GRIK4: variants seen among roughly 807,000 people sequenced by gnomAD.
GRIK4 encodes the protein glutamate ionotropic receptor kainate type subunit 4, also known as glutamate receptor ionotropic, kainate 4.
In GRIK4, 40 loss-of-function variants were observed where a neutral mutation model predicts 104.9. The ratio of observed to expected loss-of-function variants is 0.38; its 90% confidence interval spans 0.30 to 0.50. The LOEUF (loss-of-function observed/expected upper bound fraction) is 0.50. GRIK4 is among the 20% of genes least tolerant of loss of function. The pLI is 0.93. For synonymous variants in GRIK4, 485 were observed against 524.9 expected (o/e 0.92, Z 1.04); for missense variants, 1,047 against 1,308.1 (o/e 0.80, Z 3.08).
At position 120,986,558 on chromosome 11, in the gene GRIK4, G is replaced by A. The variant is rs142235934; in HGVS notation, c.*298G>A. Reference sequence around the variant, plus strand: ...TTTCCCTCTCGCCAAAATAACAAGAGTATAGGGTGGGGGGTCCCTACCCAG... The same window carrying A: ...TTTCCCTCTCGCCAAAATAACAAGAATATAGGGTGGGGGGTCCCTACCCAG... On this transcript the variant is annotated 3_prime_UTR_variant, in exon 21 of 21. Coordinates refer to ENST00000527524, the MANE Select transcript of GRIK4 (RefSeq NM_014619.5). 222 of 365,650 alleles carry A rather than the reference G, an allele frequency of 6.1e-4. 3 individuals carry two copies. Among genetic ancestry groups the A allele is most frequent in the African/African-American group, 4.5e-3 (206 of 45,972 alleles). The allele number at this position is 365,650 out of a possible 1,614,324, so 22.7% of individuals were successfully genotyped here. A position where few individuals can be genotyped will look rare whatever the true frequency, so the allele number is the denominator to read the frequency against.
chr11:120,579,733 G>T (rs1431465609), intron 1 of GRIK4, among the ~76,000 whole-genome samples: 3 of 152,114 alleles, frequency 2.0e-5, no homozygotes, highest in African/African-American at 7.2e-5. Flanking sequence ...GTCCCGATCT[G>T]TACAGTTTCA....
Position 120,935,667 on chromosome 11 carries a change from C to T in GRIK4, c.1477-4680C>T, listed in dbSNP as rs79591965. Among the ~76,000 whole-genome samples, 233 of 152,300 alleles carry T rather than the reference C, an allele frequency of 1.5e-3. 3 individuals are homozygous for T. Among genetic ancestry groups the T allele is most frequent in the Admixed American group, 0.012 (188 of 15,298 alleles). The stretch of plus-strand genomic sequence containing the variant: ...CAATTACAGAGTGGTACTCAGTTAA[C>T]GGAACGACAGTTATCATGTGTAAGC... On this transcript the variant is annotated intron_variant, in intron 13 of 20. Transcript: ENST00000527524.
At chr11:120,558,017 CAAAAAAAAAAAAAA>C (rs59960959) in intron 1 of GRIK4, among the ~76,000 whole-genome samples, 2 of 39,596 alleles carry the variant, frequency 5.1e-5, no homozygotes, top group African/African-American at 1.4e-4. Flanking sequence ...GACTCCGTCT[CAAAAAAAAAAAAAA>C]AAAAAAAAAA....
intron 3 of GRIK4, among the ~76,000 whole-genome samples, chr11:120,731,439 C>T (rs2135392065): frequency 6.6e-6 from 1 of 152,066 alleles, no homozygotes; most frequent in Non-Finnish European, 1.5e-5. Flanking sequence ...GATGAATGAT[C>T]TTTTTAATAT....
At chr11:120,588,812 A>G (rs1054017419) in intron 1 of GRIK4, among the ~76,000 whole-genome samples, 2 of 152,052 alleles carry the variant, frequency 1.3e-5, no homozygotes, top group Non-Finnish European at 1.5e-5. Flanking sequence ...GTAGCCCCCA[A>G]TTTGTGATAA....
chr11:120,874,166 G>A lies in GRIK4; in HGVS notation c.1007G>A (p.Gly336Asp). ...QEIGVKPLSCGSAQIWQHGTS... is the reference protein window; with the variant it reads ...QEIGVKPLSCDSAQIWQHGTS... The stretch of plus-strand genomic sequence containing the variant: ...ATCGGCGTGAAGCCCTTGTCCTGCG[G>A]CTCGGCCCAGATCTGGCAGCACGGC... Residue 336 changes from glycine to aspartate, a missense_variant, in exon 10 of 21, where the codon GGC becomes GAC. By Grantham distance (94) the Gly-to-Asp change is moderately conservative. This residue lies in a region of GRIK4 where 447 missense variants were observed against 514.9 expected (regional missense o/e 0.87). Coordinates refer to ENST00000527524, the MANE Select transcript of GRIK4 (RefSeq NM_014619.5). 4.3e-6 allele frequency: 7 copies of A among 1,613,682 alleles called. No individual in the cohort carries two copies. Among genetic ancestry groups the A allele is most frequent in the Non-Finnish European group, 5.9e-6 (7 of 1,179,962 alleles).
chr11:120,933,836 G>A (rs1460297176), intron 13 of GRIK4, among the ~76,000 whole-genome samples: 5 of 152,240 alleles, frequency 3.3e-5, no homozygotes, highest in Non-Finnish European at 5.9e-5. Context: ...CTCCTGACCC[G>A]TCCCATCCTC....
At chr11:120,883,479 T>C (rs922692026) in intron 11 of GRIK4, among the ~76,000 whole-genome samples, 1 of 152,146 alleles carries the variant, frequency 6.6e-6, no homozygotes, top group Non-Finnish European at 1.5e-5. Context: ...TGAAATACTT[T>C]CTCCTGTGAG....
At chr11:120,658,444 G>C (rs76635827) in intron 2 of GRIK4, among the ~76,000 whole-genome samples, 2,831 of 152,222 alleles carry the variant, frequency 0.019, 31 homozygotes, top group African/African-American at 0.024. Context: ...TAAAGCTCTA[G>C]TATACCAGTT....
intron 3 of GRIK4, among the ~76,000 whole-genome samples, chr11:120,679,307 C>T (rs1315057784): frequency 6.6e-6 from 1 of 152,176 alleles, no homozygotes. Flanking sequence ...AGAGTCAGTG[C>T]CCTTCTTCTC....
At chr11:120,854,856 T>G (rs920485748) in intron 8 of GRIK4, among the ~76,000 whole-genome samples, 6 of 152,002 alleles carry the variant, frequency 3.9e-5, no homozygotes, top group Admixed American at 3.9e-4. Flanking sequence ...ATTAAAAGAT[T>G]TTTTTTTAAA....
chr11:120,852,779 T>TA (rs1177506368), intron 8 of GRIK4, among the ~76,000 whole-genome samples: 1 of 152,122 alleles, frequency 6.6e-6, no homozygotes, highest in African/African-American at 2.4e-5. Context: ...GGAGAGGATG[T>TA]AAGGGTGCCC....
rs192342565 is a variant in GRIK4 at position 120,742,032 on chromosome 11, G to C, written c.83-60661G>C. Among the ~76,000 whole-genome samples the C allele has an allele frequency of 3.1e-4, 47 of 152,180 alleles. 1 individual carries two copies. Among genetic ancestry groups the C allele is most frequent in the Admixed American group, 2.7e-3 (41 of 15,280 alleles). On this transcript the variant is annotated intron_variant, in intron 3 of 20. Transcript: ENST00000527524. ...CATCTCAGGAATTAAGGAAAGGTTT[G>C]GTCAAATTTACAAAAGAAAAACAAC...
At chr11:120,585,573 T>C (rs1241542164) in intron 1 of GRIK4, among the ~76,000 whole-genome samples, 1 of 152,138 alleles carries the variant, frequency 6.6e-6, no homozygotes, top group Non-Finnish European at 1.5e-5. Flanking sequence ...TAAAGTCTAA[T>C]TTATTATTTT....
chr11:120,545,390 T>C (rs1353580540), intron 1 of GRIK4, among the ~76,000 whole-genome samples: 1 of 152,204 alleles, frequency 6.6e-6, no homozygotes, highest in Non-Finnish European at 1.5e-5. Context: ...AAAAATACAG[T>C]GAGGCAAATG....
chr11:120,891,866 A>G (rs2134455028), intron 11 of GRIK4, among the ~76,000 whole-genome samples: 1 of 152,346 alleles, frequency 6.6e-6, no homozygotes, highest in South Asian at 2.1e-4. Context: ...TGTAAAGTAG[A>G]TCAAGATTCA....
At chr11:120,807,749 G>A (rs1490588026) in intron 4 of GRIK4, among the ~76,000 whole-genome samples, 1 of 152,186 alleles carries the variant, frequency 6.6e-6, no homozygotes, top group South Asian at 2.1e-4. Flanking sequence ...GGAGCTACCC[G>A]CATCATAGGC....
At chr11:120,891,030 T>TA (rs796814533) in intron 11 of GRIK4, among the ~76,000 whole-genome samples, 14 of 152,334 alleles carry the variant, frequency 9.2e-5, no homozygotes, top group African/African-American at 3.4e-4. Context: ...CTCGAGGCTT[T>TA]AAAAATGAAT....
intron 1 of GRIK4, among the ~76,000 whole-genome samples, chr11:120,553,351 G>T (rs1295717945): frequency 2.6e-5 from 4 of 152,190 alleles, no homozygotes; most frequent in Non-Finnish European, 4.4e-5. Context: ...AGTGGGAGGA[G>T]GGGCCAACCC....
Sources: allele counts gnomAD v4.1 joint callset (sites outside exome capture counted in the v4.1 genomes callset), GRCh38; gene constraint gnomAD v4.1.1; regional missense constraint gnomAD v4.1.1; transcripts MANE v1.5; gene names NCBI Gene and HGNC (gene_info 2026-07-23, HGNC 2026-07-21).